The following COX4I2 variants were observed in gnomAD, a reference collection of about 807,000 sequenced individuals.
The protein encoded by COX4I2 is cytochrome c oxidase subunit 4 isoform 2, mitochondrial.
Under a neutral mutation model 20.8 loss-of-function variants are expected in COX4I2, and 15 were observed. The observed-to-expected ratio is 0.72, with a 90% CI of 0.48 to 1.11. The LOEUF (loss-of-function observed/expected upper bound fraction) is 1.11, where lower values mean the gene tolerates loss of function less well. COX4I2 is among the 50% of genes most tolerant of loss of function. COX4I2 has a pLI of 0.00. For missense variants in COX4I2, 224 were observed against 223.0 expected (o/e 1.00, Z -0.03); for synonymous variants, 80 against 78.1 (o/e 1.02, Z -0.13).
rs2060451990 is a variant in COX4I2, at chr20:31,639,088, C to T, written c.71C>T (p.Ser24Leu). 1.9e-6 allele frequency: 3 copies of T among 1,610,610 alleles called. No individual in the cohort carries two copies. The highest frequency in any genetic ancestry group is 2.2e-5 in the South Asian group (2 of 90,072). ...GGGGRRGMHS[S>L]EGTTRGGGKM... ...GGTGGAAGACGAGGGATGCACAGCT[C>T]AGAAGGCACCAGTGAGACCTGGACT... The change falls in exon 2 of 5, where the codon TCA becomes TTA. Residue 24 changes from serine (S) to leucine (L), a missense_variant. By Grantham distance (145) the Ser-to-Leu change is moderately radical (BLOSUM62 -2). Transcript: ENST00000376075.
At chr20:31,643,273 C>T in intron 3 of COX4I2, 131 bp from the exon 4 acceptor site, 2 of 1,054,168 alleles carry the variant, frequency 1.9e-6, no homozygotes, top group South Asian at 2.5e-5. Flanking sequence ...TGTTCCTGGT[C>T]ATGCTGTGCA....
At position 31,643,503 on chromosome 20, in the gene COX4I2, C is replaced by CA. The variant is rs766687519; in HGVS notation, c.348dup (p.Ala117SerfsTer49). On this transcript the variant is annotated frameshift_variant, in exon 4 of 5. Transcript: ENST00000376075. LOFTEE classifies it high-confidence loss of function. ...TGTGTCTTCTTCTTCATTGGATTCGCAGCTCTGGTGATTTGGTGGCAGCGG... is the reference window on the plus strand; with the variant it reads ...TGTGTCTTCTTCTTCATTGGATTCGCAAGCTCTGGTGATTTGGTGGCAGCGG... 6.2e-6 allele frequency: 10 copies of CA among 1,614,176 alleles called. No individual in the cohort carries two copies. The Admixed American group carries it at 1.5e-4, about 24-fold the overall frequency.
At chr20:31,639,558 CT>C (rs770616004) in intron 2 of COX4I2, among the ~76,000 whole-genome samples, 1,523 of 132,968 alleles carry the variant, frequency 0.011, 31 homozygotes, top group African/African-American at 0.032. Flanking sequence ...TATAAACCTC[CT>C]TTTTTTTTTT....
Position 31,643,342 on chromosome 20 carries a change from A to G in COX4I2, c.248-62A>G. The G allele has an allele frequency of 1.9e-6, 3 of 1,604,814 alleles. 1 individual carries two copies. Among genetic ancestry groups the G allele is most frequent in the East Asian group, 4.5e-5 (2 of 44,800 alleles). On this transcript the variant is annotated intron_variant, in intron 3 of 4. Coordinates refer to ENST00000376075, the MANE Select transcript of COX4I2 (RefSeq NM_032609.3). Reference sequence around the variant, plus strand: ...AACAGCATCTGCTGCAGGGAGGGGGAAGCCGGGATCACTTAGAGTGGACGC... The same window carrying G: ...AACAGCATCTGCTGCAGGGAGGGGGGAGCCGGGATCACTTAGAGTGGACGC...
chr20:31,642,007 T>C (rs529582645), intron 3 of COX4I2, among the ~76,000 whole-genome samples: 2 of 151,802 alleles, frequency 1.3e-5, no homozygotes, highest in Non-Finnish European at 2.9e-5. Flanking sequence ...TGCCCGGCTA[T>C]TTATTTATTT....
At position 31,643,551 on chromosome 20, in the gene COX4I2, T is replaced by C; in HGVS notation, c.379+16T>C. On this transcript the variant is annotated intron_variant, in intron 4 of 4. Transcript: ENST00000376075. ...CGGGTCTACGGTGAGTGGCAACACC[T>C]CATCTGGCTGCAGTCCTGGGCCATG... 6.2e-7 allele frequency: 1 copy of C among 1,613,966 alleles called. No individual in the cohort carries two copies. Among genetic ancestry groups the C allele is most frequent in the Non-Finnish European group, 8.5e-7 (1 of 1,179,896 alleles).
intron 3 of COX4I2, 69 bp downstream of exon 3, chr20:31,640,166 A>G: frequency 6.7e-7 from 1 of 1,499,164 alleles, no homozygotes; most frequent in Non-Finnish European, 9.0e-7. Context: ...ATGGCCTGTC[A>G]GGGATCAGAG....
Position 31,639,558 on chromosome 20 carries a change from C to CTTTTTT in COX4I2, c.83-365_83-360dup, listed in dbSNP as rs770616004. On this transcript the variant is annotated intron_variant, in intron 2 of 4. Transcript: ENST00000376075. ...AGTACCCCAAGCTATTATAAACCTCCTTTTTTTTTTTTTTTGAGATAGAGT... is the reference window on the plus strand; with the variant it reads ...AGTACCCCAAGCTATTATAAACCTCCTTTTTTTTTTTTTTTTTTTTTGAGATAGAGT... 3.6e-3 allele frequency among the ~76,000 whole-genome samples: 477 copies of CTTTTTT among 133,120 alleles called. 9 individuals are homozygous for CTTTTTT. Among genetic ancestry groups the CTTTTTT allele is most frequent in the African/African-American group, 0.013 (439 of 34,116 alleles). 87.3% of individuals were successfully genotyped at this position (133,120 alleles called of 152,430 possible).
intron 3 of COX4I2, 95 bp from the exon 4 acceptor site, chr20:31,643,309 G>C: frequency 6.9e-7 from 1 of 1,454,170 alleles, no homozygotes; most frequent in Non-Finnish European, 9.6e-7. Context: ...GTAAGAATTT[G>C]CTGAATGAAC....
chr20:31,641,417 C>G (rs77802901), intron 3 of COX4I2, among the ~76,000 whole-genome samples: 11,502 of 151,560 alleles, frequency 0.076, 458 homozygotes, highest in Middle Eastern at 0.11. Context: ...ATTCCCCAAG[C>G]AAGATGATAA....
At chr20:31,638,360 C>T (rs2122317923) in intron 1 of COX4I2, among the ~76,000 whole-genome samples, 2 of 151,728 alleles carry the variant, frequency 1.3e-5, no homozygotes, top group South Asian at 2.1e-4. Context: ...TGTCTCCCTC[C>T]CTCTGACCCA....
chr20:31,638,645 CAG>C (rs1706167673), intron 1 of COX4I2, among the ~76,000 whole-genome samples: 1 of 152,092 alleles, frequency 6.6e-6, no homozygotes, highest in African/African-American at 2.4e-5. Flanking sequence ...GGACCCCACC[CAG>C]CTTCCTCTGG....
intron 4 of COX4I2, 112 bp downstream of exon 4, chr20:31,643,647 T>A (rs921973669): frequency 3.1e-5 from 41 of 1,342,064 alleles, no homozygotes; most frequent in Middle Eastern, 3.6e-4. Flanking sequence ...GAGCTGAAAA[T>A]TTCTGAAGAG....
intron 3 of COX4I2, among the ~76,000 whole-genome samples, chr20:31,642,707 G>T (rs900367758): frequency 1.3e-5 from 2 of 152,038 alleles, no homozygotes; most frequent in Admixed American, 6.6e-5. Flanking sequence ...AAAGTGCTGG[G>T]ATTACAGGCG....
In COX4I2 at chr20:31,639,344, C is replaced by G. The variant is rs1029370031; in HGVS notation, c.82+245C>G. ...AGGAGCCAGCCCCCAAGCCTCAGGC[C>G]CCTAGACCTTTTGTTCTGAGGTGGA... On this transcript the variant is annotated intron_variant, in intron 2 of 4. Coordinates refer to ENST00000376075, the MANE Select transcript of COX4I2 (RefSeq NM_032609.3). The G allele has an allele frequency of 6.4e-6, 6 of 939,324 alleles. No homozygotes were observed. In the African/African-American group the frequency reaches 1.1e-4, roughly 17 times the overall value. 58.2% of individuals were successfully genotyped at this position (939,324 alleles called of 1,614,324 possible). A position where few individuals can be genotyped will look rare whatever the true frequency, so the allele number is the denominator to read the frequency against.
chr20:31,641,375 A>G (rs2060467300), intron 3 of COX4I2, among the ~76,000 whole-genome samples: 1 of 151,842 alleles, frequency 6.6e-6, no homozygotes, highest in African/African-American at 2.4e-5. Flanking sequence ...AAAAAAAAAA[A>G]AAAAAGAGAG....
At chr20:31,639,878 G>A in intron 2 of COX4I2, 55 bp from the exon 3 acceptor site, 1 of 1,599,992 alleles carries the variant, frequency 6.3e-7, no homozygotes, top group Non-Finnish European at 8.6e-7. Flanking sequence ...AATATAGTTA[G>A]AGATAGGGTG....
rs2060445798 is a variant in COX4I2 at position 31,637,948 on chromosome 20, T to A, written c.-15T>A. ...GGGCAGACCCAGGTCGCGCTCCCAC[T>A]GCCGAGCCCGCGAGGTGAGTGAGTT... On this transcript the variant is annotated 5_prime_UTR_variant, in exon 1 of 5. Coordinates refer to ENST00000376075, the MANE Select transcript of COX4I2 (RefSeq NM_032609.3). 6.6e-6 allele frequency: 1 copy of A among 152,090 alleles called. No homozygotes were observed. The highest frequency in any genetic ancestry group is 1.5e-5 in the Non-Finnish European group (1 of 68,022). The allele number at this position is 152,090 out of a possible 1,614,324, so 9.4% of individuals were successfully genotyped here.
At chr20:31,642,955 T>C (rs1182093795) in intron 3 of COX4I2, among the ~76,000 whole-genome samples, 1 of 152,218 alleles carries the variant, frequency 6.6e-6, no homozygotes, top group Non-Finnish European at 1.5e-5. Context: ...GTGAACCGGC[T>C]CTGCCTCTCA....
Sources: allele counts gnomAD v4.1 joint callset (sites outside exome capture counted in the v4.1 genomes callset), GRCh38; gene constraint gnomAD v4.1.1; transcripts MANE v1.5; gene names NCBI Gene and HGNC (gene_info 2026-07-23, HGNC 2026-07-21).